BMPR1B: variants seen among roughly 807,000 people sequenced by gnomAD.
BMPR1B encodes bone morphogenetic protein receptor type 1B.
Under a neutral mutation model 59.1 loss-of-function variants are expected in BMPR1B, and 12 were observed. That is an observed-to-expected ratio of 0.20 (90% CI 0.13 to 0.33). BMPR1B has a LOEUF of 0.33. Among genes scored for constraint, BMPR1B ranks in the 10% least tolerant of loss-of-function variants. The pLI is 1.00. For missense variants in BMPR1B, 550 were observed against 610.9 expected (o/e 0.90, Z 1.05); for synonymous variants, 237 against 207.3 (o/e 1.14, Z -1.23).
chr4:94,885,432 A>C (rs963855210), intron 2 of BMPR1B, among the ~76,000 whole-genome samples: 1 of 152,210 alleles, frequency 6.6e-6, no homozygotes, highest in Non-Finnish European at 1.5e-5. Context: ...AGAATGGTAG[A>C]GTTTGGACAT....
intron 1 of BMPR1B, among the ~76,000 whole-genome samples, chr4:94,824,502 T>C (rs1724315040): frequency 6.6e-6 from 1 of 152,230 alleles, no homozygotes; most frequent in African/African-American, 2.4e-5. Flanking sequence ...TAAGGTAGTG[T>C]ATCCTTATGC....
rs1014996469 is a variant in BMPR1B at position 95,157,316 on chromosome 4, A to G, written c.*2643A>G. 1.3e-5 allele frequency: 2 copies of G among 152,098 alleles called. No homozygotes were observed. The highest frequency in any genetic ancestry group is 2.9e-5 in the Non-Finnish European group (2 of 67,972). 9.4% of individuals were successfully genotyped at this position (152,098 alleles called of 1,614,324 possible). A position where few individuals can be genotyped will look rare whatever the true frequency, so the allele number is the denominator to read the frequency against. The stretch of plus-strand genomic sequence containing the variant: ...ATGCATAGATTTTTCTCTGTATCTT[A>G]CCAAAATCCACTTTACTTAGATAAC... On this transcript the variant is annotated 3_prime_UTR_variant, in exon 13 of 13. Coordinates refer to ENST00000515059, the MANE Select transcript of BMPR1B (RefSeq NM_001203.3).
chr4:94,817,859 T>C (rs1245397174), intron 1 of BMPR1B, among the ~76,000 whole-genome samples: 1 of 152,172 alleles, frequency 6.6e-6, no homozygotes, highest in Non-Finnish European at 1.5e-5. Context: ...GAGTTTCTTA[T>C]TCTGATGGAA....
chr4:94,834,124 G>A (rs1355775033), intron 1 of BMPR1B, among the ~76,000 whole-genome samples: 2 of 152,122 alleles, frequency 1.3e-5, no homozygotes, highest in Non-Finnish European at 2.9e-5. Flanking sequence ...TTATACCTGA[G>A]GACTTACATA....
chr4:95,115,603 A>G (rs1731966172), intron 5 of BMPR1B, 82 bp from the exon 6 acceptor site: 7 of 1,149,502 alleles, frequency 6.1e-6, no homozygotes, highest in South Asian at 4.9e-5. Flanking sequence ...TTCTCTAAAT[A>G]GTGACTATTT....
At chr4:95,114,304 C>T (rs1197350215) in intron 4 of BMPR1B, among the ~76,000 whole-genome samples, 1 of 152,150 alleles carries the variant, frequency 6.6e-6, no homozygotes, top group South Asian at 2.1e-4. Flanking sequence ...CTCAAGCCCC[C>T]TGAGCCTCAG....
At chr4:94,839,831 A>C (rs1235320875) in intron 1 of BMPR1B, among the ~76,000 whole-genome samples, 144 of 149,296 alleles carry the variant, frequency 9.6e-4, no homozygotes, top group African/African-American at 3.5e-3. Context: ...TTTGCTCGTT[A>C]GTTGATGCAG....
rs987927298 is a variant in BMPR1B at position 94,934,453 on chromosome 4, G to T, written c.-113+58553G>T. Among the ~76,000 whole-genome samples the T allele has an allele frequency of 3.4e-4, 39 of 115,278 alleles. No individual in the cohort carries two copies. In the South Asian group the frequency reaches 5.6e-3, roughly 16 times the overall value. 75.6% of individuals were successfully genotyped at this position (115,278 alleles called of 152,430 possible). A position where few individuals can be genotyped will look rare whatever the true frequency, so the allele number is the denominator to read the frequency against. ...TCAGTGGGAACTTTTCCCAGCTATG[G>T]TTTTTTTTTTTTTTTTTTCTCCTCC... On this transcript the variant is annotated intron_variant, in intron 2 of 12. Transcript: ENST00000515059.
intron 1 of BMPR1B, among the ~76,000 whole-genome samples, chr4:94,813,834 T>C (rs774064109): frequency 6.6e-6 from 1 of 152,070 alleles, no homozygotes; most frequent in Non-Finnish European, 1.5e-5. Flanking sequence ...TTGGTGGATA[T>C]GTGGCATGAA....
At chr4:95,068,623 T>A (rs902636763) in intron 3 of BMPR1B, among the ~76,000 whole-genome samples, 3 of 152,200 alleles carry the variant, frequency 2.0e-5, no homozygotes, top group African/African-American at 7.2e-5. Context: ...CAGTGGGGGA[T>A]AGGAACTGAG....
intron 8 of BMPR1B, among the ~76,000 whole-genome samples, chr4:95,126,809 T>C (rs573348794): frequency 6.6e-6 from 1 of 152,280 alleles, no homozygotes; most frequent in African/African-American, 2.4e-5. Flanking sequence ...TATACAGTTC[T>C]CTCTCCATAT....
chr4:95,151,689 AG>A (rs1560695307), intron 11 of BMPR1B, among the ~76,000 whole-genome samples: 1 of 152,176 alleles, frequency 6.6e-6, no homozygotes, highest in Non-Finnish European at 1.5e-5. Flanking sequence ...TGGCAGAGTA[AG>A]CCCCCAGTGA....
chr4:95,050,044 C>T lies in BMPR1B; in HGVS notation c.-18+53910C>T, dbSNP rs549882109. On this transcript the variant is annotated intron_variant, in intron 3 of 12. Coordinates refer to ENST00000515059, the MANE Select transcript of BMPR1B (RefSeq NM_001203.3). The stretch of plus-strand genomic sequence containing the variant: ...CCACATTTCAGCTATTCACTTCTTG[C>T]CCCAGAGCTCAAGGCTGGATTCCAA... Among the ~76,000 whole-genome samples the T allele has an allele frequency of 3.9e-5, 6 of 152,098 alleles. No homozygotes were observed. In the South Asian group the frequency reaches 1.2e-3, roughly 32 times the overall value.
intron 1 of BMPR1B, among the ~76,000 whole-genome samples, chr4:94,849,802 G>GTTTGTC (rs35240290): frequency 2.0e-5 from 3 of 151,130 alleles, no homozygotes; most frequent in Admixed American, 2.0e-4. Flanking sequence ...TGGTGTGTGT[G>GTTTGTC]TGTGTGTGTG....
intron 1 of BMPR1B, among the ~76,000 whole-genome samples, chr4:94,874,404 T>C (rs1726633252): frequency 6.6e-6 from 1 of 152,198 alleles, no homozygotes; most frequent in Non-Finnish European, 1.5e-5. Flanking sequence ...TTAATTTGAC[T>C]ACCACAGCCA....
intron 1 of BMPR1B, among the ~76,000 whole-genome samples, chr4:94,770,776 T>C (rs777914843): frequency 1.6e-4 from 25 of 151,956 alleles, no homozygotes; most frequent in Non-Finnish European, 2.9e-4. Context: ...TAATAACTTT[T>C]GTGGTAGTAC....
chr4:95,090,677 A>G (rs537351023), intron 3 of BMPR1B, among the ~76,000 whole-genome samples: 37 of 152,144 alleles, frequency 2.4e-4, no homozygotes, highest in African/African-American at 8.9e-4. Context: ...GCACTTTGAA[A>G]TATTTGTGTA....
chr4:94,946,378 G>A (rs1160295012), intron 2 of BMPR1B, among the ~76,000 whole-genome samples: 1 of 152,142 alleles, frequency 6.6e-6, no homozygotes, highest in South Asian at 2.1e-4. Context: ...AGGAATAGTG[G>A]CTCTAAGCTT....
intron 2 of BMPR1B, among the ~76,000 whole-genome samples, chr4:94,909,224 T>A (rs1226311723): frequency 6.6e-6 from 1 of 152,062 alleles, no homozygotes; most frequent in East Asian, 1.9e-4. Context: ...GGGAATATAA[T>A]TATGTCTGGG....
Sources: allele counts gnomAD v4.1 joint callset (sites outside exome capture counted in the v4.1 genomes callset), GRCh38; gene constraint gnomAD v4.1.1; transcripts MANE v1.5; gene names NCBI Gene and HGNC (gene_info 2026-07-23, HGNC 2026-07-21).